Variants in CNNM3 observed in about 807,000 individuals in gnomAD.
The protein encoded by CNNM3 is cyclin and CBS domain divalent metal cation transport mediator 3.
CNNM3 carries 47 observed loss-of-function variants against 57.1 expected under a neutral mutation model. That is an observed-to-expected ratio of 0.82 (90% confidence interval 0.65 to 1.05). The LOEUF (loss-of-function observed/expected upper bound fraction) is 1.05, where lower values mean the gene tolerates loss of function less well. Ranked by LOEUF, CNNM3 falls within the 50% of genes least tolerant of loss-of-function variation. The pLI is 0.00. For synonymous variants in CNNM3, 507 were observed against 478.2 expected (o/e 1.06, Z -0.79); for missense variants, 957 against 973.7 (o/e 0.98, Z 0.23).
At position 96,829,038 on chromosome 2, in the gene CNNM3, G is replaced by T. The variant is rs1046683347; in HGVS notation, c.1963G>T (p.Ala655Ser). 6.2e-7 allele frequency: 1 copy of T among 1,613,996 alleles called. No homozygotes were observed. Among genetic ancestry groups the T allele is most frequent in the Admixed American group, 1.7e-5 (1 of 60,004 alleles). Residue 655 changes from alanine to serine, a missense_variant, in exon 7 of 8, where the codon GCC becomes TCC. By Grantham distance (99) the Ala-to-Ser change is moderately conservative. Around this residue, in one of 2 missense-constraint regions of CNNM3, gnomAD observed 491 missense variants for 570.6 expected, o/e 0.86. Coordinates refer to ENST00000305510, the MANE Select transcript of CNNM3 (RefSeq NM_017623.5). ...CCTCAATGCACTCCTGGCTACCCGA[G>T]CCCAGAACCTGCCACAGTCCCCTGA... ...QYLNALLATR[A>S]QNLPQSPENT...
downstream of CNNM3, among the ~76,000 whole-genome samples, chr2:96,836,239 A>AT (rs761750199): frequency 5.5e-3 from 692 of 126,512 alleles, 2 homozygotes; most frequent in Middle Eastern, 0.024. Context: ...CACCCAGCTA[A>AT]TTTTTTTTTT....
At chr2:96,829,829 T>C (rs1410245554) in intron 7 of CNNM3, among the ~76,000 whole-genome samples, 2 of 152,142 alleles carry the variant, frequency 1.3e-5, no homozygotes, top group Non-Finnish European at 2.9e-5. Context: ...AGATTAAGTT[T>C]AGGTCACTTT....
chr2:96,816,971 G>A lies in CNNM3; in HGVS notation c.694G>A (p.Val232Met). The part of the protein sequence containing the change: ...VPAVLGSAGL[V>M]FLVGEVVPAA... ...CGCCGTGTTGGGCAGCGCGGGGCTC[G>A]TGTTCCTGGTGGGAGAGGTGGTGCC... The change falls in exon 1 of 8, where the codon GTG becomes ATG. Residue 232 changes from valine to methionine, a missense_variant. Physicochemically the swap from Val to Met is conservative, Grantham distance 21. This residue lies in a region of CNNM3 where 466 missense variants were observed against 403.1 expected (regional missense o/e 1.16). Coordinates refer to ENST00000305510, the MANE Select transcript of CNNM3 (RefSeq NM_017623.5). 1 of 1,348,446 alleles carries A rather than the reference G, an allele frequency of 7.4e-7. No homozygotes were observed. 83.5% of individuals were successfully genotyped at this position (1,348,446 alleles called of 1,614,324 possible).
At position 96,828,662 on chromosome 2, in the gene CNNM3, T is replaced by A; in HGVS notation, c.1882T>A (p.Tyr628Asn). The A allele has an allele frequency of 6.2e-7, 1 of 1,614,178 alleles. No individual in the cohort carries two copies. Residue 628 changes from tyrosine (Y) to asparagine (N), a missense_variant, in exon 6 of 8, where the codon TAC becomes AAC. By Grantham distance (143) the Tyr-to-Asn change is moderately radical. This residue lies in a region of CNNM3 where 491 missense variants were observed against 570.6 expected (regional missense o/e 0.86). Transcript: ENST00000305510. ...GTHSSAYCPD[Y>N]TVRALSDLQL... ...GCATTCATCTGCGTATTGTCCCGAC[T>A]ACACCGTGAGGGCGCTCTCTGATCT...
downstream of CNNM3, chr2:96,837,397 T>G (rs1365159360): frequency 6.6e-6 from 1 of 152,258 alleles, no homozygotes; most frequent in Non-Finnish European, 1.5e-5. Context: ...TACAAGTCCT[T>G]GCATATTTTG....
At position 96,825,065 on chromosome 2, in the gene CNNM3, C is replaced by G. The variant is rs770779402; in HGVS notation, c.1233C>G (p.Ser411=). The change falls in exon 2 of 8, where the codon TCC becomes TCG. Residue 411 remains serine (S), a synonymous_variant. Coordinates refer to ENST00000305510, the MANE Select transcript of CNNM3 (RefSeq NM_017623.5). ...AGTGTCCTCCCCCCACAGGGAAGTC[C>G]CACCTGGCCATCGTGCAGAAGGTGA... ...AVLEEFKRGK[S]HLAIVQKVNN... is the part of the protein sequence containing the mutation. 1.7e-5 allele frequency: 28 copies of G among 1,612,744 alleles called. No individual in the cohort carries two copies. The highest frequency in any genetic ancestry group is 2.4e-5 in the Non-Finnish European group (28 of 1,179,984).
chr2:96,824,021 C>T (rs965575930), intron 1 of CNNM3, among the ~76,000 whole-genome samples: 24 of 152,254 alleles, frequency 1.6e-4, no homozygotes, highest in Middle Eastern at 3.4e-3. Context: ...GGGTTACTTA[C>T]AATATATTAT....
At position 96,832,681 on chromosome 2, in the gene CNNM3, G is replaced by A. The variant is rs2079624293; in HGVS notation, c.*65G>A. 6.2e-7 allele frequency: 1 copy of A among 1,602,644 alleles called. No homozygotes were observed. Among genetic ancestry groups the A allele is most frequent in the Non-Finnish European group, 8.5e-7 (1 of 1,177,942 alleles). ...CACGTGGGGAGCTGGAGTGAGCTGA[G>A]CAGAAGTTTTGTGCCCGCCTGCCCC... is the stretch of plus-strand genomic sequence containing the variant. On this transcript the variant is annotated 3_prime_UTR_variant, in exon 8 of 8. Coordinates refer to ENST00000305510, the MANE Select transcript of CNNM3 (RefSeq NM_017623.5).
Position 96,817,522 on chromosome 2 carries a change from G to T in CNNM3, c.1225+20G>T, listed in dbSNP as rs1347618020. 6.3e-7 allele frequency: 1 copy of T among 1,594,184 alleles called. No individual in the cohort carries two copies. The highest frequency in any genetic ancestry group is 1.1e-5 in the South Asian group (1 of 88,350). ...AGCGAGGTAACGGCCCGGGCATGGT[G>T]CAGGGGACGCCCGTGCGAGTGCCCT... On this transcript the variant is annotated intron_variant, in intron 1 of 7. Transcript: ENST00000305510.
intron 1 of CNNM3, 161 bp from the exon 2 acceptor site, chr2:96,824,897 G>T (rs951968256): frequency 1.4e-6 from 1 of 723,810 alleles, no homozygotes. Context: ...AATCACGCTG[G>T]GAGTCTTAAG....
intron 1 of CNNM3, among the ~76,000 whole-genome samples, chr2:96,818,692 T>C (rs1156376543): frequency 1.3e-5 from 2 of 152,254 alleles, no homozygotes; most frequent in Non-Finnish European, 2.9e-5. Flanking sequence ...TGGTTTCTTC[T>C]GCAGTCCTCT....
intron 1 of CNNM3, among the ~76,000 whole-genome samples, chr2:96,819,727 C>T (rs1215116195): frequency 6.6e-6 from 1 of 152,100 alleles, no homozygotes; most frequent in African/African-American, 2.4e-5. Flanking sequence ...CTGCTTTCAA[C>T]AGTTGAGCAG....
intron 6 of CNNM3, 92 bp from the exon 7 acceptor site, chr2:96,828,904 C>T (rs2079555709): frequency 1.9e-6 from 3 of 1,566,246 alleles, no homozygotes; most frequent in African/African-American, 2.7e-5. Flanking sequence ...AAAGTTGTGC[C>T]TCTGTCCTCT....
rs561598801 is a variant in CNNM3 at position 96,830,084 on chromosome 2, G to A, written c.2059+950G>A. The stretch of plus-strand genomic sequence containing the variant: ...GGTGAAAGAGTCTGAAGTGTAGGCT[G>A]TGGGTAGGAGTGGTGAAGGGTTTCT... On this transcript the variant is annotated intron_variant, in intron 7 of 7. Coordinates refer to ENST00000305510, the MANE Select transcript of CNNM3 (RefSeq NM_017623.5). Among the ~76,000 whole-genome samples the A allele has an allele frequency of 5.9e-5, 9 of 152,350 alleles. No homozygotes were observed. In the East Asian group the frequency reaches 1.5e-3, roughly 26 times the overall value.
In CNNM3 at chr2:96,816,531, G is replaced by A; in HGVS notation, c.254G>A (p.Gly85Asp). 1 of 1,361,950 alleles carries A rather than the reference G, an allele frequency of 7.3e-7. No individual in the cohort carries two copies. The highest frequency in any genetic ancestry group is 9.5e-7 in the Non-Finnish European group (1 of 1,057,820). 84.4% of individuals were successfully genotyped at this position (1,361,950 alleles called of 1,614,324 possible). A position where few individuals can be genotyped will look rare whatever the true frequency, so the allele number is the denominator to read the frequency against. The change falls in exon 1 of 8, where the codon GGC becomes GAC. Residue 85 changes from glycine to aspartate, a missense_variant. By Grantham distance (94) the Gly-to-Asp change is moderately conservative. This residue lies in a region of CNNM3 where 466 missense variants were observed against 403.1 expected (regional missense o/e 1.16). Transcript: ENST00000305510. ...TCCTGGGTGGCCCCGGAGGGGGCGG[G>A]CTGCCGGGAGGAGGCGGCCTCCCCC... ...SWSWVAPEGAGCREEAASPAG... is the reference protein window; with the variant it reads ...SWSWVAPEGADCREEAASPAG...
chr2:96,829,113 G>T lies in CNNM3; in HGVS notation c.2038G>T (p.Glu680Ter). The T allele has an allele frequency of 6.2e-7, 1 of 1,613,956 alleles. No homozygotes were observed. The change falls in exon 7 of 8, where the codon GAG becomes TAG. Residue 680 changes from glutamate to a stop codon, truncating the protein, a stop_gained. Transcript: ENST00000305510. LOFTEE classifies it high-confidence loss of function. ...AGGCAGCCAGACCAGGCTCCTTGGT[G>T]AGAAGACCACCACAGCGGCAGGTGA... ...IPGSQTRLLG[E>*]KTTTAAGSSH...
Position 96,817,407 on chromosome 2 carries a change from C to G in CNNM3, c.1130C>G (p.Thr377Arg). The G allele has an allele frequency of 1.2e-6, 2 of 1,614,170 alleles. No homozygotes were observed. The highest frequency in any genetic ancestry group is 1.7e-6 in the Non-Finnish European group (2 of 1,180,034). Residue 377 changes from threonine (T) to arginine (R), a missense_variant, in exon 1 of 8, where the codon ACG (threonine) becomes AGG (arginine). Physicochemically the swap from Thr to Arg is moderately conservative, Grantham distance 71. Around this residue, in one of 2 missense-constraint regions of CNNM3, gnomAD observed 491 missense variants for 570.6 expected, o/e 0.86. Coordinates refer to ENST00000305510, the MANE Select transcript of CNNM3 (RefSeq NM_017623.5). ...GCCTTCGTGGATCCCGAAGACTGCACGCCGCTCAGCACCATCACTCGTTTC... is the reference window on the plus strand; with the variant it reads ...GCCTTCGTGGATCCCGAAGACTGCAGGCCGCTCAGCACCATCACTCGTTTC... ...DLAFVDPEDCTPLSTITRFYN... is the reference protein window; with the variant it reads ...DLAFVDPEDCRPLSTITRFYN...
At chr2:96,824,435 C>T (rs1021561533) in intron 1 of CNNM3, 2 of 152,826 alleles carry the variant, frequency 1.3e-5, no homozygotes, top group African/African-American at 4.8e-5. Context: ...TACACAGACA[C>T]ACACACATAC....
chr2:96,829,049 G>T lies in CNNM3; in HGVS notation c.1974G>T (p.Leu658=). Residue 658 remains leucine (L), a synonymous_variant, in exon 7 of 8, where the codon CTG becomes CTT. Coordinates refer to ENST00000305510, the MANE Select transcript of CNNM3 (RefSeq NM_017623.5). The part of the protein sequence containing the change: ...NALLATRAQN[L]PQSPENTDLQ... Reference sequence around the variant, plus strand: ...TCCTGGCTACCCGAGCCCAGAACCTGCCACAGTCCCCTGAGAACACCGACC... The same window carrying T: ...TCCTGGCTACCCGAGCCCAGAACCTTCCACAGTCCCCTGAGAACACCGACC... The T allele has an allele frequency of 6.2e-7, 1 of 1,613,982 alleles. No individual in the cohort carries two copies. The highest frequency in any genetic ancestry group is 1.1e-5 in the South Asian group (1 of 91,084).
Sources: gnomAD v4.1 joint callset for allele counts (sites outside exome capture counted in the v4.1 genomes callset) on GRCh38, gnomAD v4.1.1 for gene constraint, gnomAD v4.1.1 regional missense constraint, MANE v1.5 for transcripts, NCBI Gene and HGNC (gene_info 2026-07-23, HGNC 2026-07-21) for gene names.